MAST4: variants seen among roughly 807,000 people sequenced by gnomAD.
MAST4 encodes the protein microtubule-associated serine/threonine-protein kinase 4.
A neutral mutation model predicts 162.7 loss-of-function variants in MAST4; 89 were observed. That is an observed-to-expected ratio of 0.55 (90% CI 0.46 to 0.65). The LOEUF (loss-of-function observed/expected upper bound fraction) is 0.65, where lower values mean the gene tolerates loss of function less well. Ranked by LOEUF, MAST4 falls within the 30% of genes least tolerant of loss-of-function variation. The pLI is 0.00. For missense variants in MAST4, 3,153 were observed against 3,374.0 expected, an observed-to-expected ratio of 0.93 and a Z score of 1.62; for synonymous variants, 1,479 against 1,361.1, an observed-to-expected ratio of 1.09 and a Z score of -1.91.
intron 1 of MAST4, among the ~76,000 whole-genome samples, chr5:66,641,854 C>A (rs1745507390): frequency 6.6e-6 from 1 of 152,086 alleles, no homozygotes; most frequent in Non-Finnish European, 1.5e-5. Flanking sequence ...TAGTTAGTCA[C>A]CTTTGAAGGA....
chr5:67,071,461 T>C (rs1239593057), intron 5 of MAST4, among the ~76,000 whole-genome samples: 1 of 151,158 alleles, frequency 6.6e-6, no homozygotes, highest in African/African-American at 2.4e-5. Context: ...CTTAAAGATA[T>C]ACAGAAGATG....
intron 4 of MAST4, among the ~76,000 whole-genome samples, chr5:66,926,694 G>A (rs1435656442): frequency 1.3e-5 from 2 of 150,546 alleles, no homozygotes; most frequent in Non-Finnish European, 3.0e-5. Flanking sequence ...TTCCATTATT[G>A]TTCCTATGGC....
intron 4 of MAST4, among the ~76,000 whole-genome samples, chr5:66,978,881 A>G (rs774508214): frequency 2.6e-5 from 4 of 152,202 alleles, no homozygotes; most frequent in South Asian, 2.1e-4. Context: ...GCAAAATAGA[A>G]TAACATGGTA....
chr5:66,645,760 T>C (rs1745791543), intron 1 of MAST4, among the ~76,000 whole-genome samples: 1 of 152,232 alleles, frequency 6.6e-6, no homozygotes, highest in East Asian at 1.9e-4. Context: ...TGTGCTTTTA[T>C]TATAAAAAAG....
chr5:67,072,863 A>T (rs1561611398), intron 5 of MAST4, among the ~76,000 whole-genome samples: 1 of 152,160 alleles, frequency 6.6e-6, no homozygotes, highest in East Asian at 1.9e-4. Context: ...CTTGAAAGGG[A>T]TTGCTATGAA....
chr5:67,120,905 T>C, intron 13 of MAST4, 112 bp from the exon 14 acceptor site: 1 of 737,336 alleles, frequency 1.4e-6, no homozygotes, highest in East Asian at 2.9e-5. Context: ...GCTGGAATAC[T>C]GTACTTCAAC....
chr5:66,712,183 C>T (rs548975137), intron 1 of MAST4, among the ~76,000 whole-genome samples: 1 of 152,330 alleles, frequency 6.6e-6, no homozygotes, highest in South Asian at 2.1e-4. Context: ...TGTGTACATA[C>T]ACAATGCACA....
intron 2 of MAST4, among the ~76,000 whole-genome samples, chr5:66,785,114 C>T (rs908218848): frequency 6.6e-6 from 1 of 152,058 alleles, no homozygotes; most frequent in Non-Finnish European, 1.5e-5. Context: ...GCCTGTAATC[C>T]CAGCTACTTG....
At chr5:66,921,420 C>G (rs1048026713) in intron 4 of MAST4, among the ~76,000 whole-genome samples, 1 of 152,038 alleles carries the variant, frequency 6.6e-6, no homozygotes, top group Non-Finnish European at 1.5e-5. Context: ...GAAATAAAAC[C>G]CTTATGTGAC....
Position 67,164,681 on chromosome 5 carries a change from C to T in MAST4, c.5502C>T (p.Asp1834=), listed in dbSNP as rs781133270. 6.9e-5 allele frequency: 112 copies of T among 1,613,872 alleles called. No individual in the cohort carries two copies. Among genetic ancestry groups the T allele is most frequent in the East Asian group, 5.3e-4 (24 of 44,900 alleles). The change falls in exon 29 of 29, where the codon GAC becomes GAT. Residue 1834 remains aspartate, a synonymous_variant. Coordinates refer to ENST00000403625, the MANE Select transcript of MAST4 (RefSeq NM_001164664.2). This position sits in a 1 kb window ranked among gnomAD's most constrained non-coding sequence, Gnocchi z 5.3. ...CACAGAGCCCCAGCCCAAGTGGTGA[C>T]GTGAGGGCCTCTGTGCCACCAGTTC... ...ESAQSPSPSG[D]VRASVPPVLP...
chr5:66,789,977 T>C (rs967627001), intron 3 of MAST4, among the ~76,000 whole-genome samples: 4 of 149,008 alleles, frequency 2.7e-5, no homozygotes, highest in African/African-American at 9.9e-5. Context: ...ATGTTTAACA[T>C]GCTTATTAGA....
At chr5:67,147,768 G>A (rs772840213) in intron 23 of MAST4, among the ~76,000 whole-genome samples, 1 of 152,208 alleles carries the variant, frequency 6.6e-6, no homozygotes, top group Non-Finnish European at 1.5e-5. Context: ...TTCAGTAGCT[G>A]ATTTCTGTAA....
chr5:66,656,622 C>G (rs1428388976), intron 1 of MAST4, among the ~76,000 whole-genome samples: 4 of 152,122 alleles, frequency 2.6e-5, no homozygotes, highest in African/African-American at 7.2e-5. Flanking sequence ...GATATCCTCT[C>G]TTGATTAGGT....
At chr5:66,788,607 C>CCAACCCAAAAA in intron 2 of MAST4, 63 bp from the exon 3 acceptor site, 2 of 1,373,728 alleles carry the variant, frequency 1.5e-6, no homozygotes, top group Non-Finnish European at 2.0e-6. Flanking sequence ...CCCCCACCCC[C>CCAACCCAAAAA]ATTGCAATAA....
At chr5:67,041,389 C>T (rs551526527) in intron 4 of MAST4, among the ~76,000 whole-genome samples, 35 of 152,292 alleles carry the variant, frequency 2.3e-4, no homozygotes, top group African/African-American at 8.4e-4. Flanking sequence ...TTTACATTTA[C>T]CATCAAGCCT....
chr5:66,968,085 C>T lies in MAST4; in HGVS notation c.674+68103C>T, dbSNP rs565559858. Reference sequence around the variant, plus strand: ...ACATTCTCAGTGGCTTTCTTGGCACCGAGCACGCCTTGCCATCAATAGGGA... The same window carrying T: ...ACATTCTCAGTGGCTTTCTTGGCACTGAGCACGCCTTGCCATCAATAGGGA... On this transcript the variant is annotated intron_variant, in intron 4 of 28. Coordinates refer to ENST00000403625, the MANE Select transcript of MAST4 (RefSeq NM_001164664.2). Among the ~76,000 whole-genome samples, 7 of 152,244 alleles carry T rather than the reference C, an allele frequency of 4.6e-5. No homozygotes were observed. The South Asian group carries it at 1.2e-3, about 27-fold the overall frequency.
At chr5:67,112,278 C>T (rs1766334175) in intron 11 of MAST4, among the ~76,000 whole-genome samples, 1 of 152,206 alleles carries the variant, frequency 6.6e-6, no homozygotes, top group African/African-American at 2.4e-5. Context: ...GTTTCTCCTG[C>T]TGTGCTCTCA....
At chr5:66,940,838 A>G (rs1743285427) in intron 4 of MAST4, among the ~76,000 whole-genome samples, 1 of 152,174 alleles carries the variant, frequency 6.6e-6, no homozygotes, top group African/African-American at 2.4e-5. Flanking sequence ...CCATAAACTT[A>G]GGAAAAATAT....
At position 67,112,128 on chromosome 5, in the gene MAST4, ATT is replaced by A. The variant is rs1766315463; in HGVS notation, c.1458+1932_1458+1933del. On this transcript the variant is annotated intron_variant, in intron 11 of 28. Coordinates refer to ENST00000403625, the MANE Select transcript of MAST4 (RefSeq NM_001164664.2). ...AAATGCTGAGATTCCAAAGTTGCCT[ATT>A]TTGGGCATTAACCAAAATGGGAAAT... 3.9e-5 allele frequency among the ~76,000 whole-genome samples: 6 copies of A among 151,962 alleles called. No individual in the cohort carries two copies. In the South Asian group the frequency reaches 1.2e-3, roughly 32 times the overall value.
Sources: gnomAD v4.1 joint callset for allele counts (sites outside exome capture counted in the v4.1 genomes callset) on GRCh38, gnomAD v4.1.1 for gene constraint, Gnocchi (gnomAD v3.1) non-coding constraint, MANE v1.5 for transcripts, NCBI Gene and HGNC (gene_info 2026-07-23, HGNC 2026-07-21) for gene names.